Variants in AKAP13 observed in about 807,000 individuals in gnomAD.
AKAP13 encodes the protein A-kinase anchor protein 13.
AKAP13 carries 80 observed loss-of-function variants against 264.5 expected under a neutral mutation model. The ratio of observed to expected loss-of-function variants is 0.30; its 90% CI spans 0.25 to 0.36. The LOEUF (loss-of-function observed/expected upper bound fraction) is 0.36, where lower values mean the gene tolerates loss of function less well. Among genes scored for constraint, AKAP13 ranks in the 10% least tolerant of loss-of-function variants. The probability of loss-of-function intolerance (pLI) is 1.00; values close to 1 mark genes in which losing one functional copy is unlikely to be tolerated. For missense variants in AKAP13, 3,712 were observed against 3,435.2 expected (o/e 1.08, Z -2.01); for synonymous variants, 1,380 against 1,250.2 (o/e 1.10, Z -2.19).
intron 29 of AKAP13, among the ~76,000 whole-genome samples, chr15:85,729,258 G>A (rs915565139): frequency 9.2e-5 from 14 of 152,030 alleles, no homozygotes; most frequent in African/African-American, 3.1e-4. Context: ...TCAGTGAGCC[G>A]AGGTAGCACC....
In AKAP13 at chr15:85,715,804, G is replaced by C; in HGVS notation, c.5616G>C (p.Glu1872Asp). The stretch of plus-strand genomic sequence containing the variant: ...CTTTTGCAGCCTCACAGCCCAAGGA[G>C]CGTCCTCGGTCCGCAGTCCTCCTGG... The part of the protein sequence containing the change: ...IMRNKPSQPK[E>D]RPRSAVLLVD... Residue 1872 changes from glutamate to aspartate, a missense_variant, in exon 20 of 37, where the codon GAG becomes GAC. Around this residue, in one of 3 missense-constraint regions of AKAP13, gnomAD observed 2,759 missense variants for 2,411.7 expected, o/e 1.14. Coordinates refer to ENST00000394518, the MANE Select transcript of AKAP13 (RefSeq NM_007200.5). 1.9e-6 allele frequency: 3 copies of C among 1,611,964 alleles called. No individual in the cohort carries two copies. The highest frequency in any genetic ancestry group is 1.7e-4 in the Middle Eastern group (1 of 6,014).
At chr15:85,600,688 G>A (rs1283257392) in intron 8 of AKAP13, among the ~76,000 whole-genome samples, 2 of 152,148 alleles carry the variant, frequency 1.3e-5, no homozygotes, top group African/African-American at 4.8e-5. Flanking sequence ...TAACAAGATA[G>A]CCTTTTAAAG....
chr15:85,743,449 C>T, intron 35 of AKAP13, 43 bp from the exon 36 acceptor site: 2 of 1,585,798 alleles, frequency 1.3e-6, no homozygotes, highest in Non-Finnish European at 1.7e-6. Context: ...ATCACGGACG[C>T]TGACAGCCTC....
At chr15:85,684,953 A>C (rs568534636) in intron 16 of AKAP13, 80 bp downstream of exon 16, 1 of 1,453,862 alleles carries the variant, frequency 6.9e-7, no homozygotes, top group Non-Finnish European at 9.2e-7. Context: ...AAACTGGTTA[A>C]ATCATGGGGA....
At chr15:85,601,185 ACTC>A (rs1205837787) in intron 8 of AKAP13, among the ~76,000 whole-genome samples, 6 of 152,228 alleles carry the variant, frequency 3.9e-5, no homozygotes, top group Non-Finnish European at 8.8e-5. Context: ...AAAAAGAGTT[ACTC>A]ATGTCAGTTT....
intron 12 of AKAP13, among the ~76,000 whole-genome samples, chr15:85,663,352 A>G (rs1297256280): frequency 6.6e-6 from 1 of 152,032 alleles, no homozygotes; most frequent in Non-Finnish European, 1.5e-5. Context: ...TGAGGTTTAC[A>G]GAGTCATTTA....
At chr15:85,479,579 C>T (rs930376593) in intron 1 of AKAP13, among the ~76,000 whole-genome samples, 2 of 152,144 alleles carry the variant, frequency 1.3e-5, no homozygotes, top group African/African-American at 4.8e-5. Flanking sequence ...GATCTGCCCC[C>T]TCCTATTTTT....
In AKAP13 at chr15:85,543,952, C is replaced by G; in HGVS notation, c.659C>G (p.Thr220Ser). The G allele has an allele frequency of 6.2e-7, 1 of 1,611,794 alleles. No individual in the cohort carries two copies. Among genetic ancestry groups the G allele is most frequent in the Non-Finnish European group, 8.5e-7 (1 of 1,178,134 alleles). ...TATCACAAGCTGCACCAGCTTCTAACCGAGTAAGTGCTCCTTCTGCCTTAT... is the reference window on the plus strand; with the variant it reads ...TATCACAAGCTGCACCAGCTTCTAAGCGAGTAAGTGCTCCTTCTGCCTTAT... ...RGYHKLHQLL[T>S]EENAGEPDSW... Residue 220 changes from threonine (T) to serine (S), a missense_variant, in exon 5 of 37, where the codon ACC (threonine) becomes AGC (serine). Thr to Ser is a moderately conservative substitution (Grantham distance 58). Coordinates refer to ENST00000394518, the MANE Select transcript of AKAP13 (RefSeq NM_007200.5).
chr15:85,415,344 A>G (rs1361561181), intron 1 of AKAP13: 4 of 1,577,696 alleles, frequency 2.5e-6, no homozygotes, highest in Non-Finnish European at 3.5e-6. Flanking sequence ...CACAATAGCC[A>G]AGCCAGATTG....
intron 10 of AKAP13, among the ~76,000 whole-genome samples, chr15:85,649,282 G>A (rs1178301779): frequency 6.6e-6 from 1 of 152,106 alleles, no homozygotes; most frequent in Non-Finnish European, 1.5e-5. Context: ...TTGCATCTAG[G>A]CCTGACTCTA....
rs371718515 is a variant in AKAP13 at position 85,617,617 on chromosome 15, A to G, written c.4162-21757A>G. ...ATGCCTGGGAACCTTGGAAGCAGGA[A>G]TCATTTGATTCTAATTAAAACAGAA... On this transcript the variant is annotated intron_variant, in intron 8 of 36. Transcript: ENST00000394518. Among the ~76,000 whole-genome samples the G allele has an allele frequency of 3.3e-5, 5 of 152,220 alleles. 2 individuals carry two copies. In the East Asian group the frequency reaches 9.6e-4, roughly 29 times the overall value.
chr15:85,742,801 G>A (rs2089132280), intron 35 of AKAP13, among the ~76,000 whole-genome samples: 1 of 152,094 alleles, frequency 6.6e-6, no homozygotes, highest in Admixed American at 6.6e-5. Context: ...GATTGATCTT[G>A]GACCACGAAA....
chr15:85,417,000 C>A (rs940994759), intron 1 of AKAP13, among the ~76,000 whole-genome samples: 1 of 152,122 alleles, frequency 6.6e-6, no homozygotes, highest in Non-Finnish European at 1.5e-5. Context: ...AAATGAAATA[C>A]GGGATTTTTA....
intron 33 of AKAP13, among the ~76,000 whole-genome samples, chr15:85,739,928 T>C (rs1454758728): frequency 6.6e-6 from 1 of 152,208 alleles, no homozygotes; most frequent in African/African-American, 2.4e-5. Context: ...TTCTGTTGCG[T>C]TGATATGTAT....
chr15:85,524,794 G>T (rs72756514), intron 3 of AKAP13, among the ~76,000 whole-genome samples: 2,646 of 151,628 alleles, frequency 0.017, 27 homozygotes, highest in Non-Finnish European at 0.026. Flanking sequence ...TTTTTTGCGT[G>T]TTTTGTAATA....
At chr15:85,535,779 A>G (rs1356620533) in intron 4 of AKAP13, 1 of 150,492 alleles carries the variant, frequency 6.6e-6, no homozygotes, top group East Asian at 1.9e-4. Context: ...CTTTGGACAT[A>G]TCACTTCCTC....
intron 14 of AKAP13, among the ~76,000 whole-genome samples, chr15:85,681,685 T>C (rs2084607584): frequency 7.9e-6 from 1 of 127,156 alleles, no homozygotes; most frequent in African/African-American, 2.8e-5. Context: ...TGTTTGCTAA[T>C]CTATTTCTAG....
At chr15:85,635,491 A>G (rs1247926811) in intron 8 of AKAP13, among the ~76,000 whole-genome samples, 1 of 152,116 alleles carries the variant, frequency 6.6e-6, no homozygotes, top group Non-Finnish European at 1.5e-5. Flanking sequence ...TGTTTTATAA[A>G]TATTTTCCTT....
intron 1 of AKAP13, among the ~76,000 whole-genome samples, chr15:85,421,524 T>C (rs1486965892): frequency 6.6e-6 from 1 of 152,270 alleles, no homozygotes; most frequent in East Asian, 1.9e-4. Flanking sequence ...AAGCCCAATA[T>C]TTGATTTGAG....
Sources: gnomAD v4.1 joint callset for allele counts (sites outside exome capture counted in the v4.1 genomes callset) on GRCh38, gnomAD v4.1.1 for gene constraint, gnomAD v4.1.1 regional missense constraint, MANE v1.5 for transcripts, NCBI Gene and HGNC (gene_info 2026-07-23, HGNC 2026-07-21) for gene names.